The following CTSC variants were observed in gnomAD, a reference collection of about 807,000 sequenced individuals.
CTSC encodes the protein cathepsin C, also known as dipeptidyl peptidase 1.
In CTSC, 37 loss-of-function variants were observed where a neutral mutation model predicts 40.9. The observed-to-expected ratio is 0.91, with a 90% CI of 0.70 to 1.19. The LOEUF (loss-of-function observed/expected upper bound fraction) is 1.19, where lower values mean the gene tolerates loss of function less well. Ranked by LOEUF, CTSC falls within the 50% of genes most tolerant of loss-of-function variation. The pLI is 0.00. For synonymous variants in CTSC, 232 were observed against 207.4 expected, an observed-to-expected ratio of 1.12 and a Z score of -1.02; for missense variants, 594 against 567.3, an observed-to-expected ratio of 1.05 and a Z score of -0.48.
At chr11:88,301,630 G>C (rs1944361929) in intron 4 of CTSC, among the ~76,000 whole-genome samples, 1 of 152,118 alleles carries the variant, frequency 6.6e-6, no homozygotes, top group Non-Finnish European at 1.5e-5. Flanking sequence ...AGATAAAACT[G>C]TTTCATTATA....
rs980000537 is a variant in CTSC, at chr11:88,319,042, T to A, written c.319-6488A>T. 4.6e-5 allele frequency among the ~76,000 whole-genome samples: 7 copies of A among 152,330 alleles called. No individual in the cohort carries two copies. The South Asian group carries it at 8.3e-4, about 18-fold the overall frequency. ...CTGTTATGTACAGTGTGCTAGTAAGTCCCTATAAGATAGTTAAGGCACAGC... is the reference window on the plus strand; with the variant it reads ...CTGTTATGTACAGTGTGCTAGTAAGACCCTATAAGATAGTTAAGGCACAGC... On this transcript the variant is annotated intron_variant, in intron 2 of 6. Transcript: ENST00000227266.
At chr11:88,297,195 T>C (rs1944308004) in intron 5 of CTSC, 1 of 152,202 alleles carries the variant, frequency 6.6e-6, no homozygotes, top group African/African-American at 2.4e-5. Flanking sequence ...TCTCTCCCTG[T>C]CTCGTAGTCA....
rs580943 is a variant in CTSC at position 88,312,096 on chromosome 11, T to G, written c.485+292A>C. Among the ~76,000 whole-genome samples the G allele has an allele frequency of 0.11, 17,057 of 152,238 alleles. 1,224 individuals are homozygous for G. Among genetic ancestry groups the G allele is most frequent in the East Asian group, 0.22 (1,132 of 5,176 alleles). On this transcript the variant is annotated intron_variant, in intron 3 of 6. Coordinates refer to ENST00000227266, the MANE Select transcript of CTSC (RefSeq NM_001814.6). ...TCTACTTGTATCATGCAACATGTTA[T>G]TACATGGCAATAAGCAAAATGGCTT...
intron 2 of CTSC, among the ~76,000 whole-genome samples, chr11:88,331,893 G>A (rs1054607608): frequency 6.6e-5 from 10 of 152,138 alleles, no homozygotes; most frequent in African/African-American, 2.2e-4. Flanking sequence ...TCTGGTTTCT[G>A]TAACAAGGGT....
At chr11:88,309,426 T>G (rs1937701469) in intron 3 of CTSC, 108 bp from the exon 4 acceptor site, 1 of 963,934 alleles carries the variant, frequency 1.0e-6, no homozygotes, top group Non-Finnish European at 1.7e-6. Flanking sequence ...GTACAATCTT[T>G]CAGGAAGGTA....
At position 88,294,284 on chromosome 11, in the gene CTSC, C is replaced by G. The variant is rs2134763458; in HGVS notation, c.1114G>C (p.Val372Leu). 6.2e-7 allele frequency: 1 copy of G among 1,614,122 alleles called. No individual in the cohort carries two copies. The highest frequency in any genetic ancestry group is 2.2e-5 in the East Asian group (1 of 44,874). ...LELVHHGPMA[V>L]AFEVYDDFLH... ...AAGTCATCATATACTTCAAAAGCAA[C>G]TGCCATGGGCCCATGATGGACCAAC... is the stretch of plus-strand genomic sequence containing the variant. The change falls in exon 7 of 7, where the codon GTT becomes CTT. Residue 372 changes from valine to leucine, a missense_variant. Coordinates refer to ENST00000227266, the MANE Select transcript of CTSC (RefSeq NM_001814.6).
intron 2 of CTSC, among the ~76,000 whole-genome samples, chr11:88,326,995 TG>T (rs1938212295): frequency 1.3e-5 from 2 of 152,194 alleles, no homozygotes; most frequent in South Asian, 4.1e-4. Context: ...TGAACCTATC[TG>T]GGAAAAGTTT....
intron 5 of CTSC, chr11:88,297,749 C>T (rs921610598): frequency 1.3e-5 from 2 of 152,200 alleles, no homozygotes; most frequent in Admixed American, 6.5e-5. Flanking sequence ...GTGTCAGCTA[C>T]CAAGGTAATT....
In CTSC at chr11:88,337,635, AG is replaced by A; in HGVS notation, c.37del (p.Leu13CysfsTer52). The A allele has an allele frequency of 6.3e-7, 1 of 1,584,930 alleles. No individual in the cohort carries two copies. On this transcript the variant is annotated frameshift_variant, in exon 1 of 7. Coordinates refer to ENST00000227266, the MANE Select transcript of CTSC (RefSeq NM_001814.6). LOFTEE classifies it high-confidence loss of function. ...AGPSLLLAAL[L>X]LLLSGDGAVR... ...GGCGCCGTCGCCGGAGAGAAGCAGC[AG>A]GAGGGCGGCGAGCAGCAAGGAGGGC... is the stretch of plus-strand genomic sequence containing the variant.
Position 88,294,453 on chromosome 11 carries a change from C to T in CTSC, c.945G>A (p.Gly315=). ...AGGGGAAGCAAGCTTCTTCCACCAGCCCAAAATCTTGGGCGTACTTTCCTG... is the reference window on the plus strand; with the variant it reads ...AGGGGAAGCAAGCTTCTTCCACCAGTCCAAAATCTTGGGCGTACTTTCCTG... ...LIAGKYAQDF[G]LVEEACFPYT... Residue 315 remains glycine (G), a synonymous_variant, in exon 7 of 7, where the codon GGG becomes GGA. Coordinates refer to ENST00000227266, the MANE Select transcript of CTSC (RefSeq NM_001814.6). The T allele has an allele frequency of 1.9e-6, 3 of 1,614,052 alleles. No homozygotes were observed. The highest frequency in any genetic ancestry group is 2.2e-5 in the East Asian group (1 of 44,856).
At chr11:88,331,327 G>C (rs2134821119) in intron 2 of CTSC, among the ~76,000 whole-genome samples, 1 of 152,290 alleles carries the variant, frequency 6.6e-6, no homozygotes, top group Non-Finnish European at 1.5e-5. Context: ...TGATGGACTG[G>C]CTTCAAATTG....
chr11:88,294,635 A>G, intron 6 of CTSC, 127 bp from the exon 7 acceptor site: 1 of 1,025,048 alleles, frequency 9.8e-7, no homozygotes, highest in South Asian at 1.4e-5. Context: ...CTTAAGCATC[A>G]CTTCATTCAT....
chr11:88,302,625 CAAAAAAAA>C lies in CTSC; in HGVS notation c.642-1988_642-1981del, dbSNP rs139973958. Among the ~76,000 whole-genome samples, 33 of 80,028 alleles carry C rather than the reference CAAAAAAAA, an allele frequency of 4.1e-4. No individual in the cohort carries two copies. In the Admixed American group the frequency reaches 4.4e-3, roughly 11 times the overall value. 52.5% of individuals were successfully genotyped at this position (80,028 alleles called of 152,430 possible). On this transcript the variant is annotated intron_variant, in intron 4 of 6. Coordinates refer to ENST00000227266, the MANE Select transcript of CTSC (RefSeq NM_001814.6). ...CGGGTGACAGAGCAAGACTCCGCCT[CAAAAAAAA>C]AAAAAAAAAAAAAAAAAAGAATACA... is the stretch of plus-strand genomic sequence containing the variant.
chr11:88,294,466 G>T lies in CTSC; in HGVS notation c.932C>A (p.Ala311Asp). ...TTCTTCCACCAGCCCAAAATCTTGGGCGTACTTTCCTGCAATAAGGTATGG... is the reference window on the plus strand; with the variant it reads ...TTCTTCCACCAGCCCAAAATCTTGGTCGTACTTTCCTGCAATAAGGTATGG... ...GFPYLIAGKY[A>D]QDFGLVEEAC... Residue 311 changes from alanine to aspartate, a missense_variant, in exon 7 of 7, where the codon GCC becomes GAC. Physicochemically the swap from Ala to Asp is moderately radical, Grantham distance 126. Coordinates refer to ENST00000227266, the MANE Select transcript of CTSC (RefSeq NM_001814.6). The T allele has an allele frequency of 6.2e-7, 1 of 1,614,108 alleles. No homozygotes were observed. Among genetic ancestry groups the T allele is most frequent in the Non-Finnish European group, 8.5e-7 (1 of 1,180,010 alleles).
At chr11:88,324,561 A>G in intron 2 of CTSC, 2 of 982,372 alleles carry the variant, frequency 2.0e-6, no homozygotes, top group Non-Finnish European at 2.4e-6. Context: ...AGAAAAGAAA[A>G]CTGTGGTGCA....
chr11:88,310,550 C>T (rs1005235158), intron 3 of CTSC, among the ~76,000 whole-genome samples: 1 of 152,096 alleles, frequency 6.6e-6, no homozygotes, highest in Non-Finnish European at 1.5e-5. Flanking sequence ...CCTTATAAAT[C>T]ATGTGTGTAG....
rs768038829 is a variant in CTSC, at chr11:88,335,078, T to C, written c.177A>G (p.Pro59=). 1 of 1,592,028 alleles carries C rather than the reference T, an allele frequency of 6.3e-7. No individual in the cohort carries two copies. The highest frequency in any genetic ancestry group is 8.6e-7 in the Non-Finnish European group (1 of 1,163,476). Residue 59 remains proline (P), a synonymous_variant, in exon 2 of 7, where the codon CCA becomes CCG. Transcript: ENST00000227266. Reference sequence around the variant, plus strand: ...GGTACACCACTACTTTTTTTTCTTGTGGTCCTAAAGAAAAAAAAAAAAAGC... The same window carrying C: ...GGTACACCACTACTTTTTTTTCTTGCGGTCCTAAAGAAAAAAAAAAAAAGC... ...QRDVNCSVMG[P]QEKKVVVYLQ...
chr11:88,296,414 G>A, intron 5 of CTSC, 150 bp from the exon 6 acceptor site: 1 of 914,992 alleles, frequency 1.1e-6, no homozygotes, highest in Non-Finnish European at 1.7e-6. Flanking sequence ...CAACTAACAA[G>A]CATTGTTGAG....
At chr11:88,307,832 A>C (rs763906566) in intron 4 of CTSC, among the ~76,000 whole-genome samples, 1 of 152,174 alleles carries the variant, frequency 6.6e-6, no homozygotes, top group Non-Finnish European at 1.5e-5. Flanking sequence ...GCAGTAACAC[A>C]GTCTCGTAAT....
Sources: gnomAD v4.1 joint callset for allele counts (sites outside exome capture counted in the v4.1 genomes callset) on GRCh38, gnomAD v4.1.1 for gene constraint, MANE v1.5 for transcripts, NCBI Gene and HGNC (gene_info 2026-07-23, HGNC 2026-07-21) for gene names.